Variants in MERTK observed in about 807,000 individuals in gnomAD.
The protein encoded by MERTK is MER proto-oncogene, tyrosine kinase.
In MERTK, 69 loss-of-function variants were observed where a neutral mutation model predicts 99.3. That is an observed-to-expected ratio of 0.70 (90% CI 0.57 to 0.85). MERTK has a LOEUF of 0.85. Among genes scored for constraint, MERTK ranks in the 40% least tolerant of loss-of-function variants. The pLI is 0.00. For synonymous variants in MERTK, 426 were observed against 467.6 expected, an observed-to-expected ratio of 0.91 and a Z score of 1.15; for missense variants, 1,125 against 1,249.4, an observed-to-expected ratio of 0.90 and a Z score of 1.50.
chr2:112,028,856 C>T lies in MERTK; in HGVS notation c.2992C>T (p.Leu998=). ...ADDSSEGSEV[L]M ...CGACTCCTCAGAAGGCTCAGAAGTC[C>T]TGATGTGAGGAGAGGTGCGGGGAGA... Residue 998 remains leucine (L), a synonymous_variant, in exon 19 of 19, where the codon CTG becomes TTG. Transcript: ENST00000295408. 6.2e-7 allele frequency: 1 copy of T among 1,613,866 alleles called. No individual in the cohort carries two copies. The highest frequency in any genetic ancestry group is 1.1e-5 in the South Asian group (1 of 91,078).
At chr2:112,013,614 T>A (rs1677153550) in intron 15 of MERTK, 1 of 154,360 alleles carries the variant, frequency 6.5e-6, no homozygotes, top group Admixed American at 6.5e-5. Context: ...ACTAGTGGAA[T>A]CTAAGCTGAG....
intron 3 of MERTK, among the ~76,000 whole-genome samples, chr2:111,947,087 A>C (rs552665319): frequency 6.6e-6 from 1 of 152,320 alleles, no homozygotes; most frequent in African/African-American, 2.4e-5. Flanking sequence ...AGCCTGGCCA[A>C]CATGGTGAAA....
intron 7 of MERTK, among the ~76,000 whole-genome samples, chr2:111,981,204 C>G (rs995835316): frequency 1.3e-5 from 2 of 152,138 alleles, no homozygotes; most frequent in Non-Finnish European, 2.9e-5. Flanking sequence ...TCCCCTCATT[C>G]AACTACAGGC....
chr2:111,913,539 CT>C (rs920924309), intron 1 of MERTK, among the ~76,000 whole-genome samples: 1 of 151,868 alleles, frequency 6.6e-6, no homozygotes, highest in South Asian at 2.1e-4. Context: ...TTGGAATTTT[CT>C]TTTTTTTCTT....
intron 2 of MERTK, among the ~76,000 whole-genome samples, chr2:111,938,861 T>A (rs184001170): frequency 6.6e-6 from 1 of 152,298 alleles, no homozygotes; most frequent in Admixed American, 6.5e-5. Flanking sequence ...AGATATTCAA[T>A]CCCTATGTAA....
At chr2:111,919,682 A>C (rs1009092398) in intron 1 of MERTK, among the ~76,000 whole-genome samples, 6 of 151,778 alleles carry the variant, frequency 4.0e-5, no homozygotes, top group Non-Finnish European at 8.8e-5. Context: ...GGATGATGAG[A>C]GGGTACCTAA....
intron 8 of MERTK, among the ~76,000 whole-genome samples, chr2:111,990,552 A>G (rs1308717662): frequency 6.6e-6 from 1 of 152,224 alleles, no homozygotes; most frequent in Admixed American, 6.5e-5. Flanking sequence ...AGAAGTGGAA[A>G]TTCAAAAAGT....
chr2:111,948,707 T>C (rs1332918817), intron 4 of MERTK, among the ~76,000 whole-genome samples: 1 of 152,226 alleles, frequency 6.6e-6, no homozygotes, highest in Non-Finnish European at 1.5e-5. Context: ...TCCACCCTGC[T>C]GCCAGCACCC....
intron 2 of MERTK, among the ~76,000 whole-genome samples, chr2:111,943,726 G>T (rs1037411692): frequency 5.3e-5 from 8 of 152,072 alleles, no homozygotes; most frequent in African/African-American, 1.9e-4. Flanking sequence ...GCCCCAGAAA[G>T]TTCTAAACAG....
At chr2:111,925,286 ATATATATTTTT>A (rs1386730390) in intron 1 of MERTK, among the ~76,000 whole-genome samples, 1 of 40,750 alleles carries the variant, frequency 2.5e-5, no homozygotes, top group Non-Finnish European at 4.5e-5. Context: ...ATATATATAT[ATATATATTTTT>A]TTTTTTTTTT....
At chr2:112,004,021 G>A (rs1193854511) in intron 13 of MERTK, 37 bp downstream of exon 13, 4 of 1,564,224 alleles carry the variant, frequency 2.6e-6, no homozygotes, top group African/African-American at 2.7e-5. Context: ...CTTCTAGGGT[G>A]GGCAGTTGCT....
At chr2:111,902,864 C>T (rs1421903647) in intron 1 of MERTK, among the ~76,000 whole-genome samples, 18 of 147,640 alleles carry the variant, frequency 1.2e-4, no homozygotes, top group Admixed American at 9.5e-4. Context: ...CTGCAACCTC[C>T]GCCTCCCAGG....
intron 4 of MERTK, among the ~76,000 whole-genome samples, chr2:111,955,991 A>T (rs546216716): frequency 7.2e-6 from 1 of 138,028 alleles, no homozygotes; most frequent in African/African-American, 2.6e-5. Context: ...GGGGGGAGGG[A>T]TAGCATTAGG....
intron 1 of MERTK, among the ~76,000 whole-genome samples, chr2:111,902,891 G>C (rs761056756): frequency 2.1e-5 from 3 of 144,622 alleles, no homozygotes; most frequent in Non-Finnish European, 4.5e-5. Flanking sequence ...CAATTCTCCT[G>C]CCTCAGCCTT....
chr2:111,978,562 TTTATAGGCATGAGCCTATAATAGGGGA>T (rs989457916), intron 7 of MERTK, among the ~76,000 whole-genome samples: 1 of 152,166 alleles, frequency 6.6e-6, no homozygotes, highest in Non-Finnish European at 1.5e-5. Flanking sequence ...TCCCAAAATG[TTTATAGGCATGAGCCTATAATAGGGGA>T]TTATAGGCAT....
intron 7 of MERTK, among the ~76,000 whole-genome samples, chr2:111,979,556 ACT>A (rs1350088470): frequency 2.0e-5 from 3 of 148,880 alleles, no homozygotes; most frequent in Admixed American, 6.7e-5. Flanking sequence ...GAAATGTTCC[ACT>A]CTCTGTTTTT....
intron 7 of MERTK, among the ~76,000 whole-genome samples, chr2:111,980,841 A>C (rs1676358117): frequency 6.6e-6 from 1 of 152,176 alleles, no homozygotes; most frequent in Non-Finnish European, 1.5e-5. Context: ...TGGCTTGCTG[A>C]GTTAATTATA....
intron 6 of MERTK, among the ~76,000 whole-genome samples, chr2:111,970,043 C>A (rs1404737182): frequency 1.3e-5 from 2 of 152,012 alleles, no homozygotes; most frequent in Non-Finnish European, 2.9e-5. Context: ...TTCCTGTAAG[C>A]CTCCCAAGCA....
At chr2:111,969,726 C>G (rs557911387) in intron 6 of MERTK, among the ~76,000 whole-genome samples, 2 of 141,116 alleles carry the variant, frequency 1.4e-5, no homozygotes, top group East Asian at 4.0e-4. Context: ...GAGTCTCGCT[C>G]TGTTGCCCAG....
Sources: allele counts gnomAD v4.1 joint callset (sites outside exome capture counted in the v4.1 genomes callset), GRCh38; gene constraint gnomAD v4.1.1; transcripts MANE v1.5; gene names NCBI Gene and HGNC (gene_info 2026-07-23, HGNC 2026-07-21).